Variants in ACSBG2 observed in about 807,000 individuals in gnomAD.
The protein encoded by ACSBG2 is acyl-CoA synthetase bubblegum family member 2.
ACSBG2 carries 62 observed loss-of-function variants against 74.7 expected under a neutral mutation model. The ratio of observed to expected loss-of-function variants is 0.83; its 90% CI spans 0.68 to 1.03. The LOEUF (loss-of-function observed/expected upper bound fraction) is 1.03. ACSBG2 is among the 50% of genes least tolerant of loss of function. ACSBG2 has a pLI of 0.00. For synonymous variants in ACSBG2, 309 were observed against 294.1 expected (o/e 1.05, Z -0.52); for missense variants, 730 against 817.6 (o/e 0.89, Z 1.31).
intron 2 of ACSBG2, among the ~76,000 whole-genome samples, chr19:6,145,830 C>T (rs1364089724): frequency 1.3e-5 from 2 of 152,158 alleles, no homozygotes; most frequent in Non-Finnish European, 1.5e-5. Flanking sequence ...CCCTCAACAA[C>T]CTCAATGGCT....
intron 2 of ACSBG2, among the ~76,000 whole-genome samples, chr19:6,141,887 C>A (rs1267788742): frequency 6.6e-6 from 1 of 152,156 alleles, no homozygotes; most frequent in Non-Finnish European, 1.5e-5. Flanking sequence ...GTGCACACCA[C>A]CATGCCCAGC....
intron 14 of ACSBG2, among the ~76,000 whole-genome samples, chr19:6,192,271 G>A (rs574976441): frequency 5.3e-5 from 8 of 152,168 alleles, no homozygotes; most frequent in African/African-American, 1.2e-4. Flanking sequence ...AGAGTGCAGT[G>A]GTGCATTCAT....
chr19:6,185,779 C>A (rs2090389320), intron 11 of ACSBG2, 126 bp downstream of exon 11: 4 of 942,948 alleles, frequency 4.2e-6, no homozygotes, highest in African/African-American at 1.6e-5. Flanking sequence ...TGTGCAGAAA[C>A]TCCTCAGTCT....
chr19:6,146,555 C>T (rs551743614), intron 2 of ACSBG2, among the ~76,000 whole-genome samples: 13 of 151,620 alleles, frequency 8.6e-5, no homozygotes, highest in South Asian at 2.1e-4. Flanking sequence ...CACCTGAAGT[C>T]GGGAGTTCGA....
intron 8 of ACSBG2, among the ~76,000 whole-genome samples, chr19:6,181,814 C>CCCA: frequency 2.3e-3 from 1 of 444 alleles, no homozygotes; most frequent in East Asian, 0.038. Flanking sequence ...TCCCCACCCG[C>CCCA]CCCCCCCCCC....
chr19:6,179,894 T>A (rs1345038414), intron 8 of ACSBG2, among the ~76,000 whole-genome samples: 1 of 152,176 alleles, frequency 6.6e-6, no homozygotes, highest in Non-Finnish European at 1.5e-5. Flanking sequence ...ATTACAGGCA[T>A]AAGCAAGCGC....
At chr19:6,184,445 A>T (rs575197091) in intron 10 of ACSBG2, among the ~76,000 whole-genome samples, 3 of 152,152 alleles carry the variant, frequency 2.0e-5, no homozygotes, top group African/African-American at 7.2e-5. Flanking sequence ...TAAGTTTTAA[A>T]TTTCTCAGGT....
intron 2 of ACSBG2, among the ~76,000 whole-genome samples, chr19:6,145,429 CAAA>C (rs34273390): frequency 1.6e-4 from 20 of 127,348 alleles, no homozygotes; most frequent in Non-Finnish European, 1.2e-4. Flanking sequence ...GACTCCATCT[CAAA>C]AAAAAAAAAA....
At chr19:6,167,373 C>T (rs8100757) in intron 7 of ACSBG2, among the ~76,000 whole-genome samples, 3,520 of 152,256 alleles carry the variant, frequency 0.023, 122 homozygotes, top group African/African-American at 0.076. Context: ...GGGCCTGGCC[C>T]ATGGAAGGTC....
At chr19:6,168,181 C>G (rs2089865783) in intron 7 of ACSBG2, among the ~76,000 whole-genome samples, 1 of 152,156 alleles carries the variant, frequency 6.6e-6, no homozygotes, top group South Asian at 2.1e-4. Flanking sequence ...CTCCCCCTTG[C>G]TCACTCTGTT....
chr19:6,162,840 G>A lies in ACSBG2; in HGVS notation c.588+1545G>A, dbSNP rs989058845. ...CCTCCCACTTGAAACAACCAAAAGTGTCTCCAGACACTGCCTAATATACCC... is the reference window on the plus strand; with the variant it reads ...CCTCCCACTTGAAACAACCAAAAGTATCTCCAGACACTGCCTAATATACCC... On this transcript the variant is annotated intron_variant, in intron 6 of 14. Coordinates refer to ENST00000588485, the MANE Select transcript of ACSBG2 (RefSeq NM_030924.5). 6.6e-5 allele frequency among the ~76,000 whole-genome samples: 10 copies of A among 151,904 alleles called. No individual in the cohort carries two copies. The South Asian group carries it at 2.1e-3, about 32-fold the overall frequency.
At chr19:6,151,890 AT>A in intron 4 of ACSBG2, 95 bp downstream of exon 4, 2 of 1,160,974 alleles carry the variant, frequency 1.7e-6, no homozygotes, top group Non-Finnish European at 1.2e-6. Flanking sequence ...GCAAACAGGA[AT>A]TTTGGATGAA....
At chr19:6,150,380 G>A (rs2089194505) in intron 3 of ACSBG2, among the ~76,000 whole-genome samples, 1 of 150,932 alleles carries the variant, frequency 6.6e-6, no homozygotes, top group Non-Finnish European at 1.5e-5. Flanking sequence ...GACATGAAGA[G>A]TTATTTGTAG....
intron 7 of ACSBG2, among the ~76,000 whole-genome samples, chr19:6,173,595 A>C (rs940093353): frequency 6.6e-6 from 1 of 152,150 alleles, no homozygotes; most frequent in Non-Finnish European, 1.5e-5. Flanking sequence ...AGGCCCTTGC[A>C]GCTTTCCTTT....
chr19:6,168,975 C>T (rs1482787986), intron 7 of ACSBG2, among the ~76,000 whole-genome samples: 1 of 152,060 alleles, frequency 6.6e-6, no homozygotes, highest in African/African-American at 2.4e-5. Flanking sequence ...GGTGGGGCTT[C>T]GCTATGTTGG....
Position 6,177,302 on chromosome 19 carries a change from T to C in ACSBG2, c.812T>C (p.Leu271Pro). The C allele has an allele frequency of 1.9e-6, 3 of 1,613,974 alleles. No individual in the cohort carries two copies. The highest frequency in any genetic ancestry group is 2.5e-6 in the Non-Finnish European group (3 of 1,179,998). The change falls in exon 8 of 15, where the codon CTC becomes CCC. Residue 271 changes from leucine (L) to proline (P), a missense_variant. Transcript: ENST00000588485. ...TDKHETVVSY[L>P]PLSHIAAQMM... is the part of the protein sequence containing the mutation. ...AAGCATGAGACGGTGGTTAGCTACC[T>C]CCCACTCAGCCATATTGCAGCACAG...
intron 6 of ACSBG2, among the ~76,000 whole-genome samples, chr19:6,163,038 G>A (rs115138899): frequency 0.015 from 2,255 of 151,638 alleles, 67 homozygotes; most frequent in African/African-American, 0.052. Flanking sequence ...TAATTGGGAG[G>A]CTGAGGTGGA....
intron 7 of ACSBG2, among the ~76,000 whole-genome samples, chr19:6,170,404 C>CCAT (rs1302999162): frequency 6.6e-6 from 1 of 152,110 alleles, no homozygotes; most frequent in Non-Finnish European, 1.5e-5. Context: ...GTATGTTGAA[C>CCAT]CATCCTTGCA....
chr19:6,164,154 C>T (rs913170798), intron 6 of ACSBG2, among the ~76,000 whole-genome samples: 1 of 152,128 alleles, frequency 6.6e-6, no homozygotes, highest in Non-Finnish European at 1.5e-5. Flanking sequence ...TGGATTGGAC[C>T]AGCATGGGTC....
Sources: allele counts gnomAD v4.1 joint callset (sites outside exome capture counted in the v4.1 genomes callset), GRCh38; gene constraint gnomAD v4.1.1; transcripts MANE v1.5; gene names NCBI Gene and HGNC (gene_info 2026-07-23, HGNC 2026-07-21).